Variants in STPG2 observed in about 807,000 individuals in gnomAD.
STPG2 encodes the protein sperm tail PG-rich repeat containing 2.
A neutral mutation model predicts 54.2 loss-of-function variants in STPG2; 56 were observed. That is an observed-to-expected ratio of 1.03 (90% CI 0.83 to 1.29). The LOEUF is 1.29. Among genes scored for constraint, STPG2 ranks in the 50% most tolerant of loss-of-function variants. The probability of loss-of-function intolerance (pLI) is 0.00; values close to 1 mark genes in which losing one functional copy is unlikely to be tolerated. For missense variants in STPG2, 596 were observed against 544.9 expected (o/e 1.09, Z -0.93); for synonymous variants, 200 against 181.8 (o/e 1.10, Z -0.81).
At chr4:97,638,154 C>A (rs1309097959) in intron 10 of STPG2, among the ~76,000 whole-genome samples, 2 of 152,018 alleles carry the variant, frequency 1.3e-5, no homozygotes, top group Non-Finnish European at 1.5e-5. Context: ...AGATATAGAT[C>A]AATGGAACAG....
At chr4:97,926,327 T>C (rs1346334700) in intron 8 of STPG2, among the ~76,000 whole-genome samples, 1 of 152,144 alleles carries the variant, frequency 6.6e-6, no homozygotes, top group Non-Finnish European at 1.5e-5. Context: ...AGACCTCAAA[T>C]TCAGATCTCA....
At chr4:98,051,956 G>T (rs969559032) in intron 5 of STPG2, among the ~76,000 whole-genome samples, 1 of 151,904 alleles carries the variant, frequency 6.6e-6, no homozygotes, top group African/African-American at 2.4e-5. Context: ...GTGTGGTGGT[G>T]CAAGCCTATA....
intron 9 of STPG2, among the ~76,000 whole-genome samples, chr4:97,735,421 T>C (rs1449585148): frequency 6.6e-6 from 1 of 151,090 alleles, no homozygotes; most frequent in Non-Finnish European, 1.5e-5. Context: ...GGGAGGGAAA[T>C]AGGATCAAAA....
chr4:98,086,242 C>T lies in STPG2; in HGVS notation c.612+19711G>A, dbSNP rs550169340. Among the ~76,000 whole-genome samples, 3 of 152,192 alleles carry T rather than the reference C, an allele frequency of 2.0e-5. No homozygotes were observed. The East Asian group carries it at 5.8e-4, about 29-fold the overall frequency. On this transcript the variant is annotated intron_variant, in intron 5 of 10. Transcript: ENST00000295268. ...TTCTCACAAGCTATAAGATAATCCT[C>T]ATTTCACAGAAGAGCCTTATAAAAG...
chr4:97,901,216 A>G (rs1731164772), intron 8 of STPG2, among the ~76,000 whole-genome samples: 1 of 152,034 alleles, frequency 6.6e-6, no homozygotes, highest in African/African-American at 2.4e-5. Context: ...ATGTATGACA[A>G]GCCCACAGCT....
chr4:97,723,168 C>T (rs1468968682), intron 9 of STPG2, among the ~76,000 whole-genome samples: 11 of 151,984 alleles, frequency 7.2e-5, no homozygotes, highest in Admixed American at 5.9e-4. Flanking sequence ...ATCTACTGAG[C>T]TTTTCCTAGG....
intron 5 of STPG2, among the ~76,000 whole-genome samples, chr4:98,017,084 G>T (rs556011721): frequency 1.3e-5 from 2 of 152,334 alleles, no homozygotes; most frequent in South Asian, 4.1e-4. Flanking sequence ...GCCTGAGTCT[G>T]CAGGGGCTGG....
intron 4 of STPG2, among the ~76,000 whole-genome samples, chr4:97,469,699 A>T (rs1259518277): frequency 6.6e-6 from 1 of 151,884 alleles, no homozygotes; most frequent in African/African-American, 2.4e-5. Context: ...CAGAGACCCA[A>T]GCAAAACCAA....
At chr4:97,905,585 G>T (rs546935190) in intron 8 of STPG2, among the ~76,000 whole-genome samples, 1 of 151,700 alleles carries the variant, frequency 6.6e-6, no homozygotes, top group South Asian at 2.1e-4. Flanking sequence ...CATAATGACA[G>T]GATCAAATTC....
At chr4:97,918,577 A>G (rs1184472585) in intron 8 of STPG2, among the ~76,000 whole-genome samples, 2 of 152,170 alleles carry the variant, frequency 1.3e-5, no homozygotes, top group Non-Finnish European at 2.9e-5. Flanking sequence ...GTGTATGTGT[A>G]TATGTATACA....
At chr4:98,082,223 C>T (rs913723173) in intron 5 of STPG2, among the ~76,000 whole-genome samples, 1 of 151,992 alleles carries the variant, frequency 6.6e-6, no homozygotes, top group African/African-American at 2.4e-5. Flanking sequence ...TATGACAGCG[C>T]TCAAGCCAGG....
chr4:98,140,637 A>C (rs1224497848), intron 1 of STPG2, among the ~76,000 whole-genome samples: 4 of 152,104 alleles, frequency 2.6e-5, no homozygotes, highest in Admixed American at 2.0e-4. Context: ...ATTATAGACT[A>C]ATAGGGAATT....
intron 9 of STPG2, among the ~76,000 whole-genome samples, chr4:97,742,853 T>C (rs1725306927): frequency 6.6e-6 from 1 of 151,614 alleles, no homozygotes; most frequent in Admixed American, 6.6e-5. Flanking sequence ...ATGAGGATGA[T>C]AGTTAATAAT....
At chr4:97,942,531 G>C (rs150355674) in intron 8 of STPG2, among the ~76,000 whole-genome samples, 1 of 151,840 alleles carries the variant, frequency 6.6e-6, no homozygotes, top group African/African-American at 2.4e-5. Context: ...TCATAGAATA[G>C]AACCTGATGC....
At chr4:97,959,210 A>G (rs1441898937) in intron 7 of STPG2, among the ~76,000 whole-genome samples, 1 of 152,186 alleles carries the variant, frequency 6.6e-6, no homozygotes, top group Non-Finnish European at 1.5e-5. Flanking sequence ...CCTTTGGGAT[A>G]CAGCAAAGGT....
intron 9 of STPG2, among the ~76,000 whole-genome samples, chr4:97,778,810 C>G (rs1459335255): frequency 4.6e-5 from 7 of 152,154 alleles, no homozygotes; most frequent in Non-Finnish European, 1.0e-4. Context: ...TACTGATCCC[C>G]AGGCAAATAG....
At chr4:97,623,617 A>G (rs1450211310) in intron 10 of STPG2, among the ~76,000 whole-genome samples, 1 of 152,174 alleles carries the variant, frequency 6.6e-6, no homozygotes, top group Non-Finnish European at 1.5e-5. Flanking sequence ...GGTAGTGGAG[A>G]AAAAATTTTT....
chr4:97,729,597 C>T (rs2149025305), intron 9 of STPG2, among the ~76,000 whole-genome samples: 1 of 152,246 alleles, frequency 6.6e-6, no homozygotes, highest in East Asian at 1.9e-4. Flanking sequence ...CCCTATTACA[C>T]AATCAGGAAT....
intron 9 of STPG2, among the ~76,000 whole-genome samples, chr4:97,744,597 A>C (rs1243388703): frequency 6.6e-6 from 1 of 151,338 alleles, no homozygotes; most frequent in African/African-American, 2.4e-5. Flanking sequence ...TGGATGCCTG[A>C]AACTGTGGAT....
Sources: allele counts gnomAD v4.1 joint callset (sites outside exome capture counted in the v4.1 genomes callset), GRCh38; gene constraint gnomAD v4.1.1; transcripts MANE v1.5; gene names NCBI Gene and HGNC (gene_info 2026-07-23, HGNC 2026-07-21).